ANTXR2: variants seen among roughly 807,000 people sequenced by gnomAD.
ANTXR2 encodes the protein anthrax toxin receptor 2.
In ANTXR2, 44 loss-of-function variants were observed where a neutral mutation model predicts 73.7. The ratio of observed to expected loss-of-function variants is 0.60; its 90% CI spans 0.47 to 0.77. The LOEUF (loss-of-function observed/expected upper bound fraction) is 0.77, where lower values mean the gene tolerates loss of function less well. Among genes scored for constraint, ANTXR2 ranks in the 30% least tolerant of loss-of-function variants. ANTXR2 has a pLI of 0.00. For synonymous variants in ANTXR2, 217 were observed against 205.9 expected (o/e 1.05, Z -0.46); for missense variants, 604 against 592.5 (o/e 1.02, Z -0.20).
At chr4:80,050,845 G>A (rs751667600) in intron 7 of ANTXR2, among the ~76,000 whole-genome samples, 1 of 151,402 alleles carries the variant, frequency 6.6e-6, no homozygotes, top group African/African-American at 2.4e-5. Flanking sequence ...AACCTGCATG[G>A]CCATTATATA....
intron 3 of ANTXR2, among the ~76,000 whole-genome samples, chr4:80,060,888 C>T (rs1292097270): frequency 6.6e-6 from 1 of 152,108 alleles, no homozygotes; most frequent in East Asian, 1.9e-4. Context: ...TGGCACTGTG[C>T]ATTGAATGAG....
At position 79,911,148 on chromosome 4, in the gene ANTXR2, C is replaced by A. The variant is rs148378438; in HGVS notation, c.1429-3681G>T. ...TTTATATTACAGCAAGAAGTCAATG[C>A]CAGAACACTGCAGAGCAATTTTTAT... On this transcript the variant is annotated intron_variant, in intron 16 of 16. Coordinates refer to ENST00000403729, the MANE Select transcript of ANTXR2 (RefSeq NM_058172.6). Among the ~76,000 whole-genome samples, 632 of 152,234 alleles carry A rather than the reference C, an allele frequency of 4.2e-3. 2 individuals are homozygous for A. Among genetic ancestry groups the A allele is most frequent in the African/African-American group, 0.014 (594 of 41,520 alleles).
chr4:80,005,495 C>T (rs1394807193), intron 12 of ANTXR2, among the ~76,000 whole-genome samples: 2 of 152,068 alleles, frequency 1.3e-5, no homozygotes, highest in Non-Finnish European at 2.9e-5. Context: ...CAGCATTGCA[C>T]AAATATATAA....
At chr4:80,034,113 T>C (rs2110085178) in intron 8 of ANTXR2, among the ~76,000 whole-genome samples, 1 of 152,232 alleles carries the variant, frequency 6.6e-6, no homozygotes, top group South Asian at 2.1e-4. Context: ...ATTTCAAACC[T>C]ATAAATAATC....
chr4:80,016,245 G>C (rs111272466), intron 11 of ANTXR2, among the ~76,000 whole-genome samples: 1 of 152,108 alleles, frequency 6.6e-6, no homozygotes, highest in East Asian at 1.9e-4. Context: ...TTGATAATCT[G>C]GTCTACATTT....
rs754201469 is a variant in ANTXR2 at position 80,055,353 on chromosome 4, T to C, written c.486+7A>G. 6.2e-7 allele frequency: 1 copy of C among 1,606,358 alleles called. No individual in the cohort carries two copies. Among genetic ancestry groups the C allele is most frequent in the South Asian group, 1.1e-5 (1 of 90,562 alleles). On this transcript the variant is annotated splice_region_variant and intron_variant, in intron 5 of 16. Coordinates refer to ENST00000403729, the MANE Select transcript of ANTXR2 (RefSeq NM_058172.6). ...GGTGTAGAGAACAGTCTCAGTTCAATACTCACCTCTTTCTCTGCATATGAT... is the reference window on the plus strand; with the variant it reads ...GGTGTAGAGAACAGTCTCAGTTCAACACTCACCTCTTTCTCTGCATATGAT...
chr4:80,039,476 G>C (rs1733132296), intron 7 of ANTXR2, among the ~76,000 whole-genome samples: 1 of 151,800 alleles, frequency 6.6e-6, no homozygotes, highest in Non-Finnish European at 1.5e-5. Flanking sequence ...TATCAAAATG[G>C]GTGAACAGAC....
intron 12 of ANTXR2, among the ~76,000 whole-genome samples, chr4:80,002,874 C>T (rs1186218777): frequency 6.7e-6 from 1 of 149,082 alleles, no homozygotes; most frequent in Non-Finnish European, 1.5e-5. Flanking sequence ...CCATCTCACA[C>T]CAGTTAGAAT....
intron 12 of ANTXR2, among the ~76,000 whole-genome samples, chr4:79,989,802 T>A (rs1730377488): frequency 6.6e-6 from 1 of 152,102 alleles, no homozygotes. Context: ...GTAGACTTTA[T>A]CCCTGGGATG....
At chr4:80,006,423 G>C (rs181061283) in intron 12 of ANTXR2, among the ~76,000 whole-genome samples, 1 of 151,830 alleles carries the variant, frequency 6.6e-6, no homozygotes, top group Admixed American at 6.6e-5. Context: ...CTTATATGTA[G>C]GTATAAATAT....
intron 16 of ANTXR2, among the ~76,000 whole-genome samples, chr4:79,957,779 AT>A (rs1320533617): frequency 6.6e-6 from 1 of 152,070 alleles, no homozygotes; most frequent in African/African-American, 2.4e-5. Context: ...ACATTGAAAA[AT>A]ATCACAGAAT....
At chr4:79,987,123 C>T (rs2110024428) in intron 12 of ANTXR2, among the ~76,000 whole-genome samples, 1 of 152,250 alleles carries the variant, frequency 6.6e-6, no homozygotes, top group South Asian at 2.1e-4. Context: ...ATCTCAATAA[C>T]TCCCCCAGAA....
chr4:79,960,917 T>C (rs1729116701), intron 16 of ANTXR2, among the ~76,000 whole-genome samples: 1 of 151,930 alleles, frequency 6.6e-6, no homozygotes, highest in Non-Finnish European at 1.5e-5. Context: ...TTTAGCAAAG[T>C]TGAAAAGGCA....
intron 7 of ANTXR2, among the ~76,000 whole-genome samples, chr4:80,037,424 G>T (rs1733031406): frequency 6.6e-6 from 1 of 152,144 alleles, no homozygotes; most frequent in Non-Finnish European, 1.5e-5. Flanking sequence ...TACTTTTTAA[G>T]ATAACTTTCC....
chr4:79,907,528 A>C, intron 16 of ANTXR2, 61 bp from the exon 17 acceptor site: 1 of 1,509,466 alleles, frequency 6.6e-7, no homozygotes, highest in South Asian at 1.1e-5. Flanking sequence ...AAGCATGAGA[A>C]CATCTAGTTT....
rs185151361 is a variant in ANTXR2 at position 79,977,689 on chromosome 4, C to T, written c.1360G>A (p.Ala454Thr). The change falls in exon 16 of 17, where the codon GCT (alanine) becomes ACT (threonine). Residue 454 changes from alanine to threonine, a missense_variant. Transcript: ENST00000403729. ...WYTPIKGRLD[A>T]LWALLRRQYD... ...TGCCGCCTCAACAAAGCCCAGAGAG[C>T]ATCAAGACGACCCTAAGGGAAAATG... 564 of 1,577,274 alleles carry T rather than the reference C, an allele frequency of 3.6e-4. 3 individuals carry two copies. The highest frequency in any genetic ancestry group is 3.5e-3 in the Middle Eastern group (21 of 6,026).
intron 16 of ANTXR2, among the ~76,000 whole-genome samples, chr4:79,958,497 C>T (rs987622576): frequency 2.0e-5 from 3 of 152,082 alleles, no homozygotes; most frequent in African/African-American, 7.2e-5. Context: ...CAGAAGTCAT[C>T]CCTTTTTCTC....
intron 7 of ANTXR2, among the ~76,000 whole-genome samples, chr4:80,051,997 T>A (rs914572854): frequency 1.3e-5 from 2 of 151,458 alleles, no homozygotes; most frequent in African/African-American, 4.8e-5. Flanking sequence ...ATTAACTTCA[T>A]AAAAATTAAT....
At chr4:79,977,592 T>C in intron 16 of ANTXR2, 29 bp downstream of exon 16, 9 of 1,558,236 alleles carry the variant, frequency 5.8e-6, no homozygotes, top group East Asian at 2.4e-5. Flanking sequence ...AGCAGTTAGC[T>C]CTTTCTCAAT....
Sources: allele counts gnomAD v4.1 joint callset (sites outside exome capture counted in the v4.1 genomes callset), GRCh38; gene constraint gnomAD v4.1.1; transcripts MANE v1.5; gene names NCBI Gene and HGNC (gene_info 2026-07-23, HGNC 2026-07-21).